MACROD1: variants seen among roughly 807,000 people sequenced by gnomAD.
MACROD1 encodes the protein ADP-ribose glycohydrolase MACROD1.
Under a neutral mutation model 41.4 loss-of-function variants are expected in MACROD1, and 31 were observed. That is an observed-to-expected ratio of 0.75 (90% CI 0.56 to 1.01). The LOEUF is 1.01. Ranked by LOEUF, MACROD1 falls within the 50% of genes least tolerant of loss-of-function variation. MACROD1 has a pLI of 0.00. For synonymous variants in MACROD1, 252 were observed against 203.4 expected, an observed-to-expected ratio of 1.24 and a Z score of -2.03; for missense variants, 473 against 460.0, an observed-to-expected ratio of 1.03 and a Z score of -0.26.
Position 64,096,022 on chromosome 11 carries a change from C to T in MACROD1, c.517+55217G>A, listed in dbSNP as rs979209163. Among the ~76,000 whole-genome samples the T allele has an allele frequency of 1.3e-5, 2 of 152,220 alleles. No individual in the cohort carries two copies. The highest frequency in any genetic ancestry group is 2.9e-5 in the Non-Finnish European group (2 of 68,028). On this transcript the variant is annotated intron_variant, in intron 3 of 10. Coordinates refer to ENST00000255681, the MANE Select transcript of MACROD1 (RefSeq NM_014067.4). This position sits in a 1 kb window ranked among gnomAD's most constrained non-coding sequence, Gnocchi z 4.6. Reference sequence around the variant, plus strand: ...GCCTGCAGGATATGTCGCGCTGCAGCCAGCACAGTGCTGCTTCAAACTGCC... The same window carrying T: ...GCCTGCAGGATATGTCGCGCTGCAGTCAGCACAGTGCTGCTTCAAACTGCC...
chr11:64,114,203 G>A (rs1176301202), intron 3 of MACROD1, among the ~76,000 whole-genome samples: 9 of 151,448 alleles, frequency 5.9e-5, no homozygotes. Flanking sequence ...TAGATGGATG[G>A]ATGGATGGAT....
intron 3 of MACROD1, among the ~76,000 whole-genome samples, chr11:64,097,532 G>A (rs1344153287): frequency 1.3e-5 from 2 of 152,250 alleles, no homozygotes. Context: ...CAGGCCCGCC[G>A]GCCGGGCGGC....
At chr11:64,104,931 A>G (rs1289927057) in intron 3 of MACROD1, among the ~76,000 whole-genome samples, 2 of 152,104 alleles carry the variant, frequency 1.3e-5, no homozygotes, top group Non-Finnish European at 2.9e-5. Flanking sequence ...CAGCAACCTC[A>G]AGCCTCTGTG....
At chr11:64,050,570 TAAG>T (rs1351717028) in intron 3 of MACROD1, among the ~76,000 whole-genome samples, 3 of 152,298 alleles carry the variant, frequency 2.0e-5, no homozygotes, top group Admixed American at 2.0e-4. Context: ...CTCACAGCGC[TAAG>T]GACAGGCCTG....
intron 3 of MACROD1, among the ~76,000 whole-genome samples, chr11:64,034,433 T>C (rs893407608): frequency 2.6e-5 from 4 of 152,092 alleles, no homozygotes; most frequent in Admixed American, 1.3e-4. Flanking sequence ...GTTTGGTGAA[T>C]TGAGTAGAAA....
chr11:64,160,409 T>C (rs1945736091), intron 1 of MACROD1, among the ~76,000 whole-genome samples: 1 of 152,190 alleles, frequency 6.6e-6, no homozygotes, highest in Non-Finnish European at 1.5e-5. Flanking sequence ...GGTTACTGTG[T>C]GCCAGGCTTT....
chr11:64,057,971 G>A (rs1226251372), intron 3 of MACROD1, among the ~76,000 whole-genome samples: 1 of 152,194 alleles, frequency 6.6e-6, no homozygotes, highest in East Asian at 1.9e-4. Flanking sequence ...CGCTGCCACT[G>A]CCACCCCACC....
At chr11:64,025,721 CT>C (rs35346247) in intron 3 of MACROD1, among the ~76,000 whole-genome samples, 216 of 143,044 alleles carry the variant, frequency 1.5e-3, no homozygotes, top group African/African-American at 4.2e-3. Flanking sequence ...CCCCCCGCTC[CT>C]TTTTTTTTTT....
intron 3 of MACROD1, chr11:64,116,379 T>C: frequency 6.2e-7 from 1 of 1,613,782 alleles, no homozygotes; most frequent in Non-Finnish European, 8.5e-7. Flanking sequence ...GCTGTTCCTC[T>C]GCTACGGGCT....
intron 4 of MACROD1, chr11:64,009,115 C>T (rs1187596534): frequency 6.6e-6 from 1 of 152,194 alleles, no homozygotes; most frequent in Non-Finnish European, 1.5e-5. Flanking sequence ...AGAAAGCCGG[C>T]TCCTTATCTC....
intron 3 of MACROD1, among the ~76,000 whole-genome samples, chr11:64,079,816 A>G (rs1453786607): frequency 6.6e-6 from 1 of 152,124 alleles, no homozygotes; most frequent in Non-Finnish European, 1.5e-5. Context: ...TCTGGGGACC[A>G]CTTGGACCCC....
intron 3 of MACROD1, among the ~76,000 whole-genome samples, chr11:64,026,091 G>T (rs1036842817): frequency 1.3e-5 from 2 of 152,204 alleles, no homozygotes; most frequent in African/African-American, 4.8e-5. Flanking sequence ...TAAGGCAGGA[G>T]AATTGCTTGA....
Position 63,998,599 on chromosome 11 carries a change from G to GC in MACROD1, c.*118dup. The GC allele has an allele frequency of 7.9e-7, 1 of 1,272,018 alleles. No individual in the cohort carries two copies. The highest frequency in any genetic ancestry group is 2.9e-5 in the South Asian group (1 of 34,700). 78.8% of individuals were successfully genotyped at this position (1,272,018 alleles called of 1,614,324 possible). On this transcript the variant is annotated 3_prime_UTR_variant, in exon 11 of 11. Transcript: ENST00000255681. ...TTATTAGGCTCCTCGGGGGCGGGGC[G>GC]CGGAGGGAAAGAAGGGGTGGCCAGG...
intron 4 of MACROD1, among the ~76,000 whole-genome samples, chr11:64,010,626 TGTTG>T (rs1303195411): frequency 2.7e-5 from 4 of 146,114 alleles, no homozygotes; most frequent in African/African-American, 5.2e-5. Context: ...TTGGCTGGGG[TGTTG>T]GTTGGAGTGT....
chr11:64,094,285 A>C (rs1395205564), intron 3 of MACROD1, among the ~76,000 whole-genome samples: 1 of 152,190 alleles, frequency 6.6e-6, no homozygotes, highest in African/African-American at 2.4e-5. Flanking sequence ...AAAAAAAGTT[A>C]GCCGGGCATG....
chr11:64,137,992 G>A (rs1430077093), intron 3 of MACROD1, among the ~76,000 whole-genome samples: 1 of 152,234 alleles, frequency 6.6e-6, no homozygotes, highest in Non-Finnish European at 1.5e-5. Flanking sequence ...CTTGGTGACA[G>A]CAGTCACCAT....
intron 3 of MACROD1, among the ~76,000 whole-genome samples, chr11:64,102,105 A>C (rs1374946765): frequency 6.6e-6 from 1 of 152,244 alleles, no homozygotes; most frequent in East Asian, 1.9e-4. Flanking sequence ...CCTACAAAGA[A>C]AAGTGCCCAG....
At chr11:64,018,713 G>C (rs959910766) in intron 3 of MACROD1, among the ~76,000 whole-genome samples, 1 of 152,192 alleles carries the variant, frequency 6.6e-6, no homozygotes, top group Non-Finnish European at 1.5e-5. Flanking sequence ...GGGAGGCTCT[G>C]GTCCTTACAC....
At chr11:64,074,504 AG>A (rs1485777205) in intron 3 of MACROD1, among the ~76,000 whole-genome samples, 2 of 152,322 alleles carry the variant, frequency 1.3e-5, no homozygotes, top group Admixed American at 6.5e-5. Context: ...GAGCTCAGAG[AG>A]GTTCAGTTTC....
Sources: gnomAD v4.1 joint callset for allele counts (sites outside exome capture counted in the v4.1 genomes callset) on GRCh38, gnomAD v4.1.1 for gene constraint, Gnocchi (gnomAD v3.1) non-coding constraint, MANE v1.5 for transcripts, NCBI Gene and HGNC (gene_info 2026-07-23, HGNC 2026-07-21) for gene names.